Variants in TMEM62 observed in about 807,000 individuals in gnomAD.
TMEM62 encodes transmembrane protein 62.
TMEM62 carries 41 observed loss-of-function variants against 70.4 expected under a neutral mutation model. The observed-to-expected ratio is 0.58, with a 90% CI of 0.45 to 0.76. The LOEUF is 0.76. TMEM62 is among the 30% of genes least tolerant of loss of function. The pLI is 0.00. For synonymous variants in TMEM62, 268 were observed against 291.0 expected (o/e 0.92, Z 0.80); for missense variants, 688 against 788.5 (o/e 0.87, Z 1.53).
At chr15:43,163,281 C>T (rs527869360) in intron 10 of TMEM62, among the ~76,000 whole-genome samples, 262 of 152,076 alleles carry the variant, frequency 1.7e-3, no homozygotes, top group Middle Eastern at 6.8e-3. Context: ...TATATTCTCA[C>T]GGACTTAAAA....
chr15:43,135,225 T>C (rs998632016), intron 2 of TMEM62, among the ~76,000 whole-genome samples: 1 of 152,218 alleles, frequency 6.6e-6, no homozygotes, highest in African/African-American at 2.4e-5. Flanking sequence ...TCAGAGTCTA[T>C]TGATGCATTT....
intron 4 of TMEM62, among the ~76,000 whole-genome samples, chr15:43,145,495 G>T (rs557305640): frequency 2.0e-5 from 3 of 152,090 alleles, no homozygotes; most frequent in African/African-American, 7.2e-5. Context: ...GGGAGCCACC[G>T]CGCCTGGCCC....
At chr15:43,167,191 G>T (rs1189856954) in intron 10 of TMEM62, among the ~76,000 whole-genome samples, 3 of 151,178 alleles carry the variant, frequency 2.0e-5, no homozygotes, top group Non-Finnish European at 4.4e-5. Flanking sequence ...CCTCCCGGAC[G>T]GGTCGGCTGG....
intron 9 of TMEM62, among the ~76,000 whole-genome samples, chr15:43,156,532 CCT>C (rs1491303225): frequency 6.6e-6 from 1 of 151,974 alleles, no homozygotes. Flanking sequence ...TAAATTATTC[CCT>C]GTCTTCACAG....
intron 13 of TMEM62, among the ~76,000 whole-genome samples, chr15:43,183,925 CA>C (rs1371812700): frequency 7.2e-5 from 11 of 151,998 alleles, no homozygotes. Context: ...CTCACTCCAC[CA>C]AAAAAGAGGG....
intron 11 of TMEM62, among the ~76,000 whole-genome samples, chr15:43,170,455 T>C (rs1026278417): frequency 1.3e-5 from 2 of 152,212 alleles, no homozygotes; most frequent in African/African-American, 4.8e-5. Context: ...ATAGATGTCA[T>C]TGTGAAGTAA....
Position 43,133,965 on chromosome 15 carries a change from ATCT to A in TMEM62, c.167_169del (p.Phe56del). On this transcript the variant is annotated inframe_deletion, in exon 1 of 14. Coordinates refer to ENST00000260403, the MANE Select transcript of TMEM62 (RefSeq NM_024956.4). ...TGCGCCAGGGCCCGGAGACAGCAAC[ATCT>A]TCTGGGGCCTGCAGGTGACGCGGCG... 13 of 1,458,240 alleles carry A rather than the reference ATCT, an allele frequency of 8.9e-6. No individual in the cohort carries two copies. The highest frequency in any genetic ancestry group is 8.1e-6 in the Non-Finnish European group (9 of 1,113,540). The allele number at this position is 1,458,240 out of a possible 1,614,324, so 90.3% of individuals were successfully genotyped here. A position where few individuals can be genotyped will look rare whatever the true frequency, so the allele number is the denominator to read the frequency against.
intron 9 of TMEM62, among the ~76,000 whole-genome samples, chr15:43,155,621 T>C (rs1167546732): frequency 2.0e-5 from 3 of 152,224 alleles, no homozygotes; most frequent in African/African-American, 7.2e-5. Context: ...GGAGTGGCCA[T>C]AGACTCCCTT....
chr15:43,151,820 C>T lies in TMEM62; in HGVS notation c.897C>T (p.Leu299=). 1 of 1,613,958 alleles carries T rather than the reference C, an allele frequency of 6.2e-7. No individual in the cohort carries two copies. Among genetic ancestry groups the T allele is most frequent in the Admixed American group, 1.7e-5 (1 of 59,990 alleles). ...GGATTTTTGCTTTTGATCACGACCT[C>T]TTTAGCTTTGCAGATTTGATCTTTG... ...RYRIFAFDHD[L]FSFADLIFGK... Residue 299 remains leucine, a synonymous_variant, in exon 8 of 14, where the codon CTC becomes CTT. Transcript: ENST00000260403.
At chr15:43,170,572 T>TAA (rs138908189) in intron 11 of TMEM62, among the ~76,000 whole-genome samples, 32 of 151,172 alleles carry the variant, frequency 2.1e-4, no homozygotes, top group African/African-American at 7.8e-4. Flanking sequence ...CCTAAGAAAT[T>TAA]AAAAAAAAAC....
intron 8 of TMEM62, among the ~76,000 whole-genome samples, chr15:43,152,539 T>C (rs531868165): frequency 7.9e-5 from 12 of 152,228 alleles, no homozygotes; most frequent in African/African-American, 2.4e-4. Flanking sequence ...AGATTACAGA[T>C]GTGTGCCACC....
intron 7 of TMEM62, among the ~76,000 whole-genome samples, chr15:43,150,436 C>G (rs2037225385): frequency 6.6e-6 from 1 of 152,090 alleles, no homozygotes; most frequent in Non-Finnish European, 1.5e-5. Flanking sequence ...TGTGTCCAAC[C>G]CTGGGGTTTT....
intron 4 of TMEM62, among the ~76,000 whole-genome samples, chr15:43,139,672 C>T (rs934915725): frequency 2.6e-5 from 4 of 152,210 alleles, no homozygotes; most frequent in African/African-American, 9.6e-5. Flanking sequence ...GATAGACAAT[C>T]AAACCACCTA....
At chr15:43,152,296 A>AT (rs1225148161) in intron 8 of TMEM62, among the ~76,000 whole-genome samples, 1 of 151,910 alleles carries the variant, frequency 6.6e-6, no homozygotes, top group Non-Finnish European at 1.5e-5. Context: ...TATATATCAA[A>AT]TTTTTTTTCA....
Position 43,160,723 on chromosome 15 carries a change from G to T in TMEM62, c.1225G>T (p.Val409Phe). 1 of 1,612,714 alleles carries T rather than the reference G, an allele frequency of 6.2e-7. No individual in the cohort carries two copies. Among genetic ancestry groups the T allele is most frequent in the Non-Finnish European group, 8.5e-7 (1 of 1,179,182 alleles). Residue 409 changes from valine to phenylalanine, a missense_variant, in exon 10 of 14, where the codon GTT (valine) becomes TTT (phenylalanine). Transcript: ENST00000260403. ...TAAGAGTGTTCACCACATATTTTCT[G>T]TTCAAGAGAATAATCATCTCAGTTT... is the stretch of plus-strand genomic sequence containing the variant. ...RSKSVHHIFS[V>F]QENNHLSFDP...
At chr15:43,160,897 A>C in intron 10 of TMEM62, 103 bp downstream of exon 10, 1 of 540,174 alleles carries the variant, frequency 1.9e-6, no homozygotes, top group Non-Finnish European at 3.1e-6. Context: ...GGTTTCAGTT[A>C]CCGAAGGTCA....
intron 3 of TMEM62, among the ~76,000 whole-genome samples, chr15:43,137,589 T>C: frequency 6.6e-6 from 1 of 152,266 alleles, no homozygotes; most frequent in East Asian, 1.9e-4. Context: ...CAGTTGCCCC[T>C]GCTGGAGCCT....
rs1248029865 is a variant in TMEM62, at chr15:43,181,318, A to T, written c.1605+19A>T. ...TCTCCAGGTAAGAAGTCAGAAAAGC[A>T]ATTTAAGAACATCTTGGACTTGTCA... On this transcript the variant is annotated intron_variant, in intron 13 of 13. Transcript: ENST00000260403. 1.3e-6 allele frequency: 2 copies of T among 1,519,230 alleles called. No homozygotes were observed. Among genetic ancestry groups the T allele is most frequent in the Non-Finnish European group, 1.8e-6 (2 of 1,094,422 alleles). 94.1% of individuals were successfully genotyped at this position (1,519,230 alleles called of 1,614,324 possible).
chr15:43,148,977 G>C, intron 6 of TMEM62, 52 bp from the exon 7 acceptor site: 2 of 1,607,654 alleles, frequency 1.2e-6, no homozygotes, highest in Non-Finnish European at 1.7e-6. Context: ...TTATTAGTTT[G>C]GCCTCACGCG....
Sources: gnomAD v4.1 joint callset for allele counts (sites outside exome capture counted in the v4.1 genomes callset) on GRCh38, gnomAD v4.1.1 for gene constraint, MANE v1.5 for transcripts, NCBI Gene and HGNC (gene_info 2026-07-23, HGNC 2026-07-21) for gene names.